PHF12: variants seen among roughly 807,000 people sequenced by gnomAD.
The protein encoded by PHF12 is PHD factor 1.
A neutral mutation model predicts 99.8 loss-of-function variants in PHF12; 6 were observed. That is an observed-to-expected ratio of 0.06 (90% CI 0.03 to 0.12). The LOEUF (loss-of-function observed/expected upper bound fraction) is 0.12, where lower values mean the gene tolerates loss of function less well. PHF12 is among the 10% of genes least tolerant of loss of function. The pLI is 1.00. For missense variants in PHF12, 954 were observed against 1,300.1 expected (o/e 0.73, Z 4.09); for synonymous variants, 480 against 514.9 (o/e 0.93, Z 0.92).
chr17:28,951,108 C>T lies in PHF12; in HGVS notation c.-148G>A. On this transcript the variant is annotated 5_prime_UTR_variant, in exon 1 of 15. Transcript: ENST00000332830. ...CTTCCTCGCCCTGGCTCCCCCCCAC[C>T]CCCCGGCCCCCAGTCCCCGGGACGA... is the stretch of plus-strand genomic sequence containing the variant. 3.4e-6 allele frequency: 5 copies of T among 1,455,376 alleles called. No homozygotes were observed. The highest frequency in any genetic ancestry group is 4.5e-6 in the Non-Finnish European group (5 of 1,105,408). The allele number at this position is 1,455,376 out of a possible 1,614,324, so 90.2% of individuals were successfully genotyped here.
chr17:28,931,709 G>A (rs2040411176), intron 2 of PHF12, among the ~76,000 whole-genome samples: 1 of 151,044 alleles, frequency 6.6e-6, no homozygotes, highest in African/African-American at 2.4e-5. Flanking sequence ...AGCCTCCCGA[G>A]TAGCTGGGAT....
At chr17:28,911,317 C>T in intron 9 of PHF12, 80 bp from the exon 10 acceptor site, 1 of 1,573,134 alleles carries the variant, frequency 6.4e-7, no homozygotes, top group Non-Finnish European at 8.6e-7. Flanking sequence ...TGAGACAGGT[C>T]TGGATTTCGG....
Position 28,910,386 on chromosome 17 carries a change from A to C in PHF12, c.2216-17T>G. On this transcript the variant is annotated splice_polypyrimidine_tract_variant and intron_variant, in intron 10 of 14. Transcript: ENST00000332830. ...TCTCGATTTCTATTAGCCAAAGAGA[A>C]AGATTAAAAAGCAGCTGAGATGGGA... The C allele has an allele frequency of 1.3e-6, 2 of 1,599,248 alleles. No individual in the cohort carries two copies. Among genetic ancestry groups the C allele is most frequent in the Non-Finnish European group, 1.7e-6 (2 of 1,170,414 alleles).
chr17:28,938,838 T>A (rs563146054), intron 2 of PHF12, among the ~76,000 whole-genome samples: 1 of 152,260 alleles, frequency 6.6e-6, no homozygotes, highest in South Asian at 2.1e-4. Flanking sequence ...GCCTTCCAGT[T>A]ATACCCACCA....
chr17:28,911,527 C>T (rs994781378), intron 9 of PHF12: 1 of 384,874 alleles, frequency 2.6e-6, no homozygotes, highest in Non-Finnish European at 4.7e-6. Flanking sequence ...ATGACCACCT[C>T]CCTGCTGCCT....
At chr17:28,944,451 A>C (rs1013571317) in intron 2 of PHF12, 17 of 942,192 alleles carry the variant, frequency 1.8e-5, no homozygotes, top group African/African-American at 3.6e-5. Context: ...TTAGCCCCTA[A>C]GCCCTACATT....
chr17:28,923,337 G>C (rs2040199184), intron 4 of PHF12, among the ~76,000 whole-genome samples: 2 of 133,988 alleles, frequency 1.5e-5, no homozygotes, highest in African/African-American at 5.8e-5. Context: ...TGAACCATGT[G>C]AATGTATAAT....
At chr17:28,913,304 G>T in intron 8 of PHF12, 27 bp from the exon 9 acceptor site, 1 of 1,575,136 alleles carries the variant, frequency 6.3e-7, no homozygotes, top group South Asian at 1.2e-5. Context: ...GGAGAGGGGG[G>T]TGAGAAGCCT....
intron 2 of PHF12, among the ~76,000 whole-genome samples, chr17:28,932,376 C>T (rs980751214): frequency 5.3e-5 from 8 of 152,096 alleles, no homozygotes; most frequent in Non-Finnish European, 1.2e-4. Flanking sequence ...TCAAATGGTC[C>T]GCTTGCCTCT....
At position 28,951,107 on chromosome 17, in the gene PHF12, C is replaced by A; in HGVS notation, c.-147G>T. ...ACTTCCTCGCCCTGGCTCCCCCCCA[C>A]CCCCCGGCCCCCAGTCCCCGGGACG... On this transcript the variant is annotated 5_prime_UTR_variant, in exon 1 of 15. Coordinates refer to ENST00000332830, the MANE Select transcript of PHF12 (RefSeq NM_001033561.2). 4 of 1,440,676 alleles carry A rather than the reference C, an allele frequency of 2.8e-6. No homozygotes were observed. Among genetic ancestry groups the A allele is most frequent in the Non-Finnish European group, 2.7e-6 (3 of 1,096,368 alleles). 89.2% of individuals were successfully genotyped at this position (1,440,676 alleles called of 1,614,324 possible).
At position 28,950,295 on chromosome 17, in the gene PHF12, G is replaced by A. The variant is rs754794328; in HGVS notation, c.67-49C>T. 1.6e-5 allele frequency: 25 copies of A among 1,537,680 alleles called. No homozygotes were observed. The South Asian group carries it at 2.9e-4, about 18-fold the overall frequency. On this transcript the variant is annotated intron_variant, in intron 1 of 14. Coordinates refer to ENST00000332830, the MANE Select transcript of PHF12 (RefSeq NM_001033561.2). The surrounding 1 kb of genome is among the most constrained non-coding windows in gnomAD (Gnocchi z 5.7). ...GTGTGCACACTCGGAGCTCCCGGGC[G>A]GTCCGTCGCCCCCCCGGCGCGGTTT...
intron 3 of PHF12, chr17:28,926,297 G>A (rs1192578716): frequency 6.1e-6 from 1 of 164,636 alleles, no homozygotes; most frequent in Non-Finnish European, 1.3e-5. Flanking sequence ...ACATAGGAAA[G>A]TTGCTTGGTG....
intron 3 of PHF12, chr17:28,926,181 A>C (rs1179005709): frequency 6.5e-6 from 1 of 153,530 alleles, no homozygotes; most frequent in Non-Finnish European, 1.5e-5. Context: ...ACTGTTACAC[A>C]CATAAACCAC....
chr17:28,950,555 G>A lies in PHF12; in HGVS notation c.67-309C>T. The A allele has an allele frequency of 1.9e-6, 1 of 513,522 alleles. No individual in the cohort carries two copies. Among genetic ancestry groups the A allele is most frequent in the Non-Finnish European group, 3.4e-6 (1 of 290,374 alleles). The allele number at this position is 513,522 out of a possible 1,614,324, so 31.8% of individuals were successfully genotyped here. A position where few individuals can be genotyped will look rare whatever the true frequency, so the allele number is the denominator to read the frequency against. ...GGACAGTGGGGGACTCCAAAGACCC[G>A]CTCGGGAGAGGCCCAAAGCCCGGTA... On this transcript the variant is annotated intron_variant, in intron 1 of 14. Transcript: ENST00000332830. The surrounding 1 kb of genome is among the most constrained non-coding windows in gnomAD (Gnocchi z 5.7).
chr17:28,914,589 A>G (rs142662333), intron 7 of PHF12, among the ~76,000 whole-genome samples: 2,423 of 145,226 alleles, frequency 0.017, 56 homozygotes, highest in African/African-American at 0.058. Flanking sequence ...GGAGAATGGC[A>G]TGAACCCGGG....
intron 2 of PHF12, among the ~76,000 whole-genome samples, chr17:28,940,396 TCA>T (rs1471649659): frequency 6.6e-6 from 1 of 152,218 alleles, no homozygotes; most frequent in African/African-American, 2.4e-5. Flanking sequence ...CAAAAGGGAC[TCA>T]CTCTCTGAGT....
At chr17:28,936,091 TGGTTCTTGGCGCTCTAATTAAGA>T (rs925906601) in intron 2 of PHF12, among the ~76,000 whole-genome samples, 8 of 152,236 alleles carry the variant, frequency 5.3e-5, no homozygotes, top group African/African-American at 1.4e-4. Context: ...GTAGTTGTCA[TGGTTCTTGGCGCTCTAATTAAGA>T]GGATCTATTT....
At chr17:28,930,043 A>T (rs2040367212) in intron 2 of PHF12, 1 of 152,158 alleles carries the variant, frequency 6.6e-6, no homozygotes, top group South Asian at 2.1e-4. Flanking sequence ...CAAACATTTA[A>T]AACATTTAAA....
At chr17:28,946,009 G>C (rs372619254) in intron 2 of PHF12, among the ~76,000 whole-genome samples, 4 of 152,142 alleles carry the variant, frequency 2.6e-5, no homozygotes, top group African/African-American at 9.7e-5. Context: ...GGTGGCGTGC[G>C]CCTGTAATCC....
Sources: gnomAD v4.1 joint callset for allele counts (sites outside exome capture counted in the v4.1 genomes callset) on GRCh38, gnomAD v4.1.1 for gene constraint, Gnocchi (gnomAD v3.1) non-coding constraint, MANE v1.5 for transcripts, NCBI Gene and HGNC (gene_info 2026-07-23, HGNC 2026-07-21) for gene names.